Variants in IL17B observed in about 807,000 individuals in gnomAD.
IL17B encodes the protein interleukin-17B.
Under a neutral mutation model 14.7 loss-of-function variants are expected in IL17B, and 14 were observed. The observed-to-expected ratio is 0.95, with a 90% CI of 0.63 to 1.49. The LOEUF (loss-of-function observed/expected upper bound fraction) is 1.49, where lower values mean the gene tolerates loss of function less well. IL17B is among the 40% of genes most tolerant of loss of function. The probability of loss-of-function intolerance (pLI) is 0.00; values close to 1 mark genes in which losing one functional copy is unlikely to be tolerated. For synonymous variants in IL17B, 105 were observed against 94.8 expected, an observed-to-expected ratio of 1.11 and a Z score of -0.62; for missense variants, 233 against 252.8, an observed-to-expected ratio of 0.92 and a Z score of 0.53.
intron 1 of IL17B, among the ~76,000 whole-genome samples, chr5:149,393,172 A>G (rs1468652680): frequency 1.3e-5 from 2 of 152,196 alleles, no homozygotes; most frequent in African/African-American, 4.8e-5. Context: ...TGTCACCCAG[A>G]AAGTCATCCT....
At position 149,387,931 on chromosome 5, in the gene IL17B, T is replaced by C. The variant is rs183188428; in HGVS notation, n.96-10906A>G. Among the ~76,000 whole-genome samples, 54 of 152,334 alleles carry C rather than the reference T, an allele frequency of 3.5e-4. 1 individual carries two copies. The East Asian group carries it at 7.7e-3, about 22-fold the overall frequency. ...AAAGGGACAGAGCTTGGGATGTAAG[T>C]TGGGCCCCTGAGGTCCCTTTAACCA... On this transcript the variant is annotated intron_variant and non_coding_transcript_variant, in intron 1 of 2. Transcript: ENST00000505432.
intron 1 of IL17B, among the ~76,000 whole-genome samples, chr5:149,392,982 G>A (rs534127700): frequency 5.7e-4 from 81 of 143,100 alleles, no homozygotes; most frequent in African/African-American, 2.0e-3. Context: ...GCGTGCGTGT[G>A]TGTGTGCGTG....
At chr5:149,389,074 C>A (rs1160577166) in intron 1 of IL17B, among the ~76,000 whole-genome samples, 1 of 152,246 alleles carries the variant, frequency 6.6e-6, no homozygotes, top group East Asian at 1.9e-4. Flanking sequence ...ATTCTGTTCA[C>A]TTAATTGTGG....
chr5:149,383,773 C>T (rs960064329), upstream of IL17B, among the ~76,000 whole-genome samples: 3 of 152,224 alleles, frequency 2.0e-5, no homozygotes, highest in African/African-American at 7.2e-5. Flanking sequence ...GGGGCTGCCA[C>T]GTCGACATGA....
chr5:149,392,391 C>A (rs1420065611), intron 1 of IL17B, among the ~76,000 whole-genome samples: 2 of 152,228 alleles, frequency 1.3e-5, no homozygotes, highest in Non-Finnish European at 2.9e-5. Context: ...CCTATCCAAC[C>A]ATTCAAAGAA....
At chr5:149,403,704 GC>G (rs1328825216) in intron 1 of IL17B, among the ~76,000 whole-genome samples, 3 of 151,978 alleles carry the variant, frequency 2.0e-5, no homozygotes, top group Non-Finnish European at 2.9e-5. Context: ...GTGAAGTGAA[GC>G]CCATACGATC....
At chr5:149,376,644 C>T in intron 2 of IL17B, 92 bp downstream of exon 2, 1 of 1,493,578 alleles carries the variant, frequency 6.7e-7, no homozygotes, top group Non-Finnish European at 9.0e-7. Context: ...GCACCCAGAC[C>T]TCTGAATCTG....
At chr5:149,385,408 T>C (rs1364202512) in intron 1 of IL17B, among the ~76,000 whole-genome samples, 4 of 152,146 alleles carry the variant, frequency 2.6e-5, no homozygotes, top group Non-Finnish European at 1.5e-5. Context: ...CCTCCCAAAG[T>C]GCTGGCATTA....
At chr5:149,397,054 G>A (rs1000398400) in intron 1 of IL17B, among the ~76,000 whole-genome samples, 1 of 152,224 alleles carries the variant, frequency 6.6e-6, no homozygotes, top group Non-Finnish European at 1.5e-5. Flanking sequence ...TGTACTTGGA[G>A]AGTGGTTGTG....
intron 1 of IL17B, among the ~76,000 whole-genome samples, chr5:149,386,371 C>G (rs1295555116): frequency 6.6e-6 from 1 of 152,174 alleles, no homozygotes; most frequent in Non-Finnish European, 1.5e-5. Context: ...GCACAGGCAG[C>G]AACTCTGACA....
Position 149,379,213 on chromosome 5 carries a change from G to C in IL17B, c.13C>G (p.His5Asp). 6.2e-7 allele frequency: 1 copy of C among 1,614,072 alleles called. No individual in the cohort carries two copies. Among genetic ancestry groups the C allele is most frequent in the Non-Finnish European group, 8.5e-7 (1 of 1,179,998 alleles). Residue 5 changes from histidine (H) to aspartate (D), a missense_variant, in exon 1 of 3, where the codon CAC (histidine) becomes GAC (aspartate). By Grantham distance (81) the His-to-Asp change is moderately conservative (BLOSUM62 -1). Coordinates refer to ENST00000261796, the MANE Select transcript of IL17B (RefSeq NM_014443.3). ...AGGGAAGCGCCACGTACCAGGTTGTGAGGCCAGTCCATTCCGCCAAGCTGC... is the reference window on the plus strand; with the variant it reads ...AGGGAAGCGCCACGTACCAGGTTGTCAGGCCAGTCCATTCCGCCAAGCTGC... MDWPHNLLFLLTISI... is the reference protein window; with the variant it reads MDWPDNLLFLLTISI...
intron 1 of IL17B, among the ~76,000 whole-genome samples, chr5:149,385,223 C>T (rs1758799918): frequency 1.3e-5 from 2 of 151,814 alleles, no homozygotes; most frequent in Admixed American, 6.6e-5. Context: ...GACGTGGTGG[C>T]GCATGCCTGT....
chr5:149,378,152 A>G (rs1370163988), intron 1 of IL17B, among the ~76,000 whole-genome samples: 1 of 152,168 alleles, frequency 6.6e-6, no homozygotes, highest in Non-Finnish European at 1.5e-5. Context: ...CAAAAAAAAG[A>G]AAAAAGAACT....
chr5:149,386,293 C>T (rs1238653529), intron 1 of IL17B, among the ~76,000 whole-genome samples: 1 of 152,166 alleles, frequency 6.6e-6, no homozygotes, highest in East Asian at 1.9e-4. Flanking sequence ...GAGCTTGGGG[C>T]TGGCTTGCGA....
At chr5:149,377,574 C>G (rs180706702) in intron 1 of IL17B, among the ~76,000 whole-genome samples, 107 of 152,304 alleles carry the variant, frequency 7.0e-4, no homozygotes, top group Non-Finnish European at 1.3e-3. Context: ...CCATCGCTGC[C>G]CTTCTGTCAT....
intron 1 of IL17B, among the ~76,000 whole-genome samples, chr5:149,390,630 C>CACACAG (rs1491235916): frequency 0.08 from 10,499 of 131,168 alleles, 549 homozygotes; most frequent in Non-Finnish European, 0.11. Flanking sequence ...CACACACACA[C>CACACAG]AGAGATACAC....
intron 1 of IL17B, among the ~76,000 whole-genome samples, chr5:149,378,237 C>A (rs1758598050): frequency 6.6e-6 from 1 of 152,116 alleles, no homozygotes; most frequent in African/African-American, 2.4e-5. Flanking sequence ...GGGAGATGGG[C>A]AAGTTATGGG....
intron 1 of IL17B, among the ~76,000 whole-genome samples, chr5:149,385,956 G>A (rs913941566): frequency 2.0e-5 from 3 of 152,228 alleles, no homozygotes; most frequent in Admixed American, 2.0e-4. Flanking sequence ...AGGGAGAGGA[G>A]TCCTGGGGGC....
At chr5:149,397,315 C>T (rs987096871) in intron 1 of IL17B, among the ~76,000 whole-genome samples, 1 of 152,114 alleles carries the variant, frequency 6.6e-6, no homozygotes, top group African/African-American at 2.4e-5. Flanking sequence ...ATTATAGATG[C>T]CCGCCATCAG....
Sources: allele counts gnomAD v4.1 joint callset (sites outside exome capture counted in the v4.1 genomes callset), GRCh38; gene constraint gnomAD v4.1.1; transcripts MANE v1.5; gene names NCBI Gene and HGNC (gene_info 2026-07-23, HGNC 2026-07-21).